Variants in ADGRL1 observed in about 807,000 individuals in gnomAD.
ADGRL1 encodes the protein CIRL-1.
A neutral mutation model predicts 148.9 loss-of-function variants in ADGRL1; 31 were observed. That is an observed-to-expected ratio of 0.21 (90% CI 0.16 to 0.28). The LOEUF (loss-of-function observed/expected upper bound fraction) is 0.28, where lower values mean the gene tolerates loss of function less well. Among genes scored for constraint, ADGRL1 ranks in the 10% least tolerant of loss-of-function variants. ADGRL1 has a pLI of 1.00. For synonymous variants in ADGRL1, 937 were observed against 900.3 expected, an observed-to-expected ratio of 1.04 and a Z score of -0.73; for missense variants, 1,521 against 2,058.8, an observed-to-expected ratio of 0.74 and a Z score of 5.05.
intron 1 of ADGRL1, among the ~76,000 whole-genome samples, chr19:14,198,708 C>T (rs994274710): frequency 2.6e-5 from 4 of 152,142 alleles, no homozygotes; most frequent in Admixed American, 6.5e-5. Context: ...TCCTTCCTCC[C>T]CTTTGAGCCA....
chr19:14,153,898 C>A (rs987774309), intron 18 of ADGRL1, among the ~76,000 whole-genome samples: 2 of 151,404 alleles, frequency 1.3e-5, no homozygotes, highest in African/African-American at 2.4e-5. Context: ...GCCGAGATCG[C>A]GCCATTGCAC....
Position 14,170,348 on chromosome 19 carries a change from G to A in ADGRL1, c.394+334C>T, listed in dbSNP as rs573068471. ...AGAGGCCAAGGGAGAAGAGAGAGAC[G>A]TAAGTGTGCCAGGCAGAGCACGGGA... On this transcript the variant is annotated intron_variant, in intron 4 of 22. Coordinates refer to ENST00000361434, the MANE Select transcript of ADGRL1 (RefSeq NM_014921.5). 1.2e-4 allele frequency: 24 copies of A among 199,404 alleles called. 1 individual carries two copies. The South Asian group carries it at 2.1e-3, about 17-fold the overall frequency. 12.4% of individuals were successfully genotyped at this position (199,404 alleles called of 1,614,324 possible).
chr19:14,158,671 C>T (rs942975953), intron 11 of ADGRL1, 119 bp from the exon 12 acceptor site: 8 of 762,868 alleles, frequency 1.0e-5, no homozygotes, highest in Non-Finnish European at 1.5e-5. Context: ...GCCACTGGGA[C>T]CTCTGAAGCC....
chr19:14,171,984 C>T (rs1435591129), intron 3 of ADGRL1, among the ~76,000 whole-genome samples: 1 of 152,206 alleles, frequency 6.6e-6, no homozygotes, highest in Non-Finnish European at 1.5e-5. Context: ...GTCTCCCCTT[C>T]AATCCTGCTC....
chr19:14,152,184 G>A lies in ADGRL1; in HGVS notation c.3650-34C>T. On this transcript the variant is annotated intron_variant, in intron 21 of 22. Coordinates refer to ENST00000361434, the MANE Select transcript of ADGRL1 (RefSeq NM_014921.5). The surrounding 1 kb of genome is among the most constrained non-coding windows in gnomAD (Gnocchi z 6.1). Reference sequence around the variant, plus strand: ...GGCAGCCAGAAGAGAGAAGAGAAAAGGCAAGGATGAGCTCGAAATGCAAGT... The same window carrying A: ...GGCAGCCAGAAGAGAGAAGAGAAAAAGCAAGGATGAGCTCGAAATGCAAGT... 1 of 1,614,136 alleles carries A rather than the reference G, an allele frequency of 6.2e-7. No homozygotes were observed. Among genetic ancestry groups the A allele is most frequent in the Non-Finnish European group, 8.5e-7 (1 of 1,180,012 alleles).
intron 1 of ADGRL1, among the ~76,000 whole-genome samples, chr19:14,190,306 GC>G (rs1430308513): frequency 6.6e-6 from 1 of 151,210 alleles, no homozygotes; most frequent in Non-Finnish European, 1.5e-5. Context: ...TTGCTCTGTT[GC>G]CCAGGCTGGA....
At position 14,158,558 on chromosome 19, in the gene ADGRL1, G is replaced by A. The variant is rs1461579271; in HGVS notation, c.2150-6C>T. Reference sequence around the variant, plus strand: ...GAAGACAACTTTGACCACCCCTGGTGAGAACAGGCACGTTTGGATGTGTCA... The same window carrying A: ...GAAGACAACTTTGACCACCCCTGGTAAGAACAGGCACGTTTGGATGTGTCA... On this transcript the variant is annotated splice_polypyrimidine_tract_variant and splice_region_variant and intron_variant, in intron 11 of 22. Transcript: ENST00000361434. The A allele has an allele frequency of 6.2e-7, 1 of 1,611,726 alleles. No individual in the cohort carries two copies. The highest frequency in any genetic ancestry group is 1.7e-5 in the Admixed American group (1 of 59,998).
intron 2 of ADGRL1, among the ~76,000 whole-genome samples, chr19:14,178,255 A>G (rs985083406): frequency 6.6e-6 from 1 of 152,168 alleles, no homozygotes; most frequent in Non-Finnish European, 1.5e-5. Context: ...TTGTAACCCC[A>G]GCATTTTGGG....
chr19:14,184,919 G>A (rs1182201201), intron 1 of ADGRL1, among the ~76,000 whole-genome samples: 19 of 152,060 alleles, frequency 1.2e-4, no homozygotes, highest in African/African-American at 4.1e-4. Context: ...GATTACAGGC[G>A]TGAGCCACAG....
intron 2 of ADGRL1, among the ~76,000 whole-genome samples, chr19:14,179,658 G>C (rs1420931875): frequency 6.6e-6 from 1 of 152,036 alleles, no homozygotes; most frequent in Non-Finnish European, 1.5e-5. Context: ...TGTAATCCCA[G>C]GACTTTGGGA....
intron 1 of ADGRL1, among the ~76,000 whole-genome samples, chr19:14,194,272 A>G (rs1972122696): frequency 6.6e-6 from 1 of 152,186 alleles, no homozygotes; most frequent in African/African-American, 2.4e-5. Flanking sequence ...GTCTGTGGTA[A>G]TTTGTTGTGG....
chr19:14,163,492 GA>G (rs1969639687), intron 4 of ADGRL1, 86 bp from the exon 5 acceptor site: 38 of 1,028,604 alleles, frequency 3.7e-5, no homozygotes, highest in Admixed American at 1.6e-4. Context: ...GAGAGAGAGA[GA>G]GAGAGGGGGG....
chr19:14,172,353 C>T (rs1272656890), intron 3 of ADGRL1, among the ~76,000 whole-genome samples: 9 of 152,048 alleles, frequency 5.9e-5, no homozygotes, highest in African/African-American at 1.7e-4. Flanking sequence ...ACCCAGGAGG[C>T]GGAGGTTGCA....
chr19:14,185,395 G>C (rs1190647899), intron 1 of ADGRL1, among the ~76,000 whole-genome samples: 1 of 152,176 alleles, frequency 6.6e-6, no homozygotes, highest in Non-Finnish European at 1.5e-5. Context: ...CTGGGTTCAA[G>C]TGATGCTCCT....
At chr19:14,153,827 T>G (rs1223724434) in intron 18 of ADGRL1, among the ~76,000 whole-genome samples, 1 of 151,588 alleles carries the variant, frequency 6.6e-6, no homozygotes, top group East Asian at 2.0e-4. Context: ...AGTGGGCGTC[T>G]GTAATCCCAG....
At position 14,156,972 on chromosome 19, in the gene ADGRL1, C is replaced by T; in HGVS notation, c.2919G>A (p.Val973=). The T allele has an allele frequency of 6.2e-7, 1 of 1,613,546 alleles. No individual in the cohort carries two copies. The highest frequency in any genetic ancestry group is 1.7e-5 in the Admixed American group (1 of 59,970). ...GGTAGTCAATGGCAGCCGCGATGCCCACCACCAGGGCCGGGAAGCAGTAGC... is the reference window on the plus strand; with the variant it reads ...GGTAGTCAATGGCAGCCGCGATGCCTACCACCAGGGCCGGGAAGCAGTAGC... The part of the protein sequence containing the change: ...LGGYCFPALV[V]GIAAAIDYRS... Residue 973 remains valine (V), a synonymous_variant, in exon 15 of 23, where the codon GTG becomes GTA. Coordinates refer to ENST00000361434, the MANE Select transcript of ADGRL1 (RefSeq NM_014921.5).
intron 1 of ADGRL1, among the ~76,000 whole-genome samples, chr19:14,190,860 G>T (rs533803635): frequency 6.6e-6 from 1 of 152,136 alleles, no homozygotes; most frequent in Non-Finnish European, 1.5e-5. Flanking sequence ...GGCCGAGGAG[G>T]GCAGATCACC....
rs1970372887 is a variant in ADGRL1 at position 14,170,491 on chromosome 19, G to A, written c.394+191C>T. 1.9e-5 allele frequency: 10 copies of A among 528,650 alleles called. No individual in the cohort carries two copies. In the South Asian group the frequency reaches 2.2e-4, roughly 12 times the overall value. 32.7% of individuals were successfully genotyped at this position (528,650 alleles called of 1,614,324 possible). A position where few individuals can be genotyped will look rare whatever the true frequency, so the allele number is the denominator to read the frequency against. On this transcript the variant is annotated intron_variant, in intron 4 of 22. Coordinates refer to ENST00000361434, the MANE Select transcript of ADGRL1 (RefSeq NM_014921.5). ...AGGAGGGGACAGAGTCTGTGAGGCG[G>A]GGGAGCAGGCACTGAGTGTGGACAC...
chr19:14,182,840 G>C (rs1234059351), intron 2 of ADGRL1, among the ~76,000 whole-genome samples: 2 of 152,212 alleles, frequency 1.3e-5, no homozygotes, highest in Admixed American at 1.3e-4. Flanking sequence ...TCAACCTTTG[G>C]AGCTTTCCAG....
Sources: allele counts gnomAD v4.1 joint callset (sites outside exome capture counted in the v4.1 genomes callset), GRCh38; gene constraint gnomAD v4.1.1; non-coding constraint Gnocchi (gnomAD v3.1); transcripts MANE v1.5; gene names NCBI Gene and HGNC (gene_info 2026-07-23, HGNC 2026-07-21).